JUP: variants seen among roughly 807,000 people sequenced by gnomAD.
JUP encodes catenin (cadherin-associated protein), gamma 80kDa.
A neutral mutation model predicts 71.1 loss-of-function variants in JUP; 28 were observed. That is an observed-to-expected ratio of 0.39 (90% CI 0.29 to 0.54). The LOEUF is 0.54. Ranked by LOEUF, JUP falls within the 20% of genes least tolerant of loss-of-function variation. The pLI is 0.62. For synonymous variants in JUP, 401 were observed against 438.9 expected (o/e 0.91, Z 1.08); for missense variants, 869 against 1,030.1 (o/e 0.84, Z 2.14).
At chr17:41,760,840 C>G (rs1180928348) in intron 8 of JUP, among the ~76,000 whole-genome samples, 18 of 152,142 alleles carry the variant, frequency 1.2e-4, no homozygotes, top group Admixed American at 1.2e-3. Flanking sequence ...GGATTACAGG[C>G]GTGAGCCACT....
At chr17:41,765,322 C>G (rs782663078) in intron 5 of JUP, among the ~76,000 whole-genome samples, 1 of 152,022 alleles carries the variant, frequency 6.6e-6, no homozygotes, top group African/African-American at 2.4e-5. Flanking sequence ...AGATGTGAGC[C>G]ACCACACCCA....
chr17:41,762,182 T>A (rs1206825511), intron 8 of JUP, among the ~76,000 whole-genome samples: 12 of 117,476 alleles, frequency 1.0e-4, no homozygotes, highest in Non-Finnish European at 1.7e-4. Context: ...AGAGAGTGTG[T>A]GTGTGTGTGT....
chr17:41,763,346 G>A, intron 7 of JUP, 25 bp from the exon 8 acceptor site: 3 of 1,580,680 alleles, frequency 1.9e-6, no homozygotes, highest in Non-Finnish European at 1.7e-6. Context: ...AGGGACGGGG[G>A]AGTCAGGGAG....
Position 41,763,138 on chromosome 17 carries a change from T to C in JUP, c.1342A>G (p.Lys448Glu). ...LIHAILRAGD[K>E]DDITEPAVCA... ...ACGGCAGGCTCCGTGATGTCGTCCTTGTCACCAGCACGCAGGATGGCATGG... is the reference window on the plus strand; with the variant it reads ...ACGGCAGGCTCCGTGATGTCGTCCTCGTCACCAGCACGCAGGATGGCATGG... Residue 448 changes from lysine (K) to glutamate (E), a missense_variant, in exon 8 of 14, where the codon AAG becomes GAG. Lys to Glu is a moderately conservative substitution (Grantham distance 56). Transcript: ENST00000393931. 1.2e-6 allele frequency: 2 copies of C among 1,614,218 alleles called. No homozygotes were observed. The highest frequency in any genetic ancestry group is 1.7e-6 in the Non-Finnish European group (2 of 1,180,030).
intron 12 of JUP, among the ~76,000 whole-genome samples, chr17:41,756,602 A>G (rs547419534): frequency 6.6e-6 from 1 of 150,558 alleles, no homozygotes; most frequent in Non-Finnish European, 1.5e-5. Context: ...TCTGTCTCGA[A>G]AAAAATAAAA....
chr17:41,783,788 A>G (rs1001194774), intron 1 of JUP, among the ~76,000 whole-genome samples: 5 of 150,194 alleles, frequency 3.3e-5, no homozygotes, highest in Admixed American at 6.7e-5. Context: ...GGGTGGTGGC[A>G]CACGCCTGTA....
At position 41,771,779 on chromosome 17, in the gene JUP, T is replaced by C; in HGVS notation, c.76A>G (p.Ile26Val). Residue 26 changes from isoleucine to valine, a missense_variant, in exon 2 of 14, where the codon ATC becomes GTC. Physicochemically the swap from Ile to Val is conservative, Grantham distance 29 (BLOSUM62 3). Coordinates refer to ENST00000393931, the MANE Select transcript of JUP (RefSeq NM_002230.4). Reference protein sequence around the residue: ...WQQTYTYDSGIHSGANTCVPS... With the variant: ...WQQTYTYDSGVHSGANTCVPS... ...ACGCAGGTGTTGGCGCCCGAGTGGATACCCGAGTCGTAGGTGTATGTCTGC... is the reference window on the plus strand; with the variant it reads ...ACGCAGGTGTTGGCGCCCGAGTGGACACCCGAGTCGTAGGTGTATGTCTGC... 2 of 1,614,060 alleles carry C rather than the reference T, an allele frequency of 1.2e-6. No individual in the cohort carries two copies. Among genetic ancestry groups the C allele is most frequent in the South Asian group, 2.2e-5 (2 of 91,088 alleles).
chr17:41,768,833 G>A lies in JUP; in HGVS notation c.707+136C>T, dbSNP rs116023576. 4.4e-3 allele frequency: 3,290 copies of A among 741,570 alleles called. 75 individuals carry two copies. The African/African-American group carries it at 0.052, about 12-fold the overall frequency. The allele number at this position is 741,570 out of a possible 1,614,324, so 45.9% of individuals were successfully genotyped here. On this transcript the variant is annotated intron_variant, in intron 4 of 13. Transcript: ENST00000393931. ...GTTCCCTGCTGGGCTGTGAGCCACC[G>A]AGCACCCGGATGGGGTGTGCTTCTG...
chr17:41,760,849 C>T (rs1914696887), intron 8 of JUP, among the ~76,000 whole-genome samples: 1 of 152,204 alleles, frequency 6.6e-6, no homozygotes, highest in African/African-American at 2.4e-5. Flanking sequence ...GCGTGAGCCA[C>T]TGCGCCTGGC....
chr17:41,779,377 G>A (rs1597859643), intron 1 of JUP, among the ~76,000 whole-genome samples: 1 of 141,142 alleles, frequency 7.1e-6, no homozygotes, highest in African/African-American at 2.6e-5. Flanking sequence ...ACCCAGGCTG[G>A]AGTGCAGTGG....
At chr17:41,785,141 C>T (rs529289417) in intron 1 of JUP, 1 of 152,292 alleles carries the variant, frequency 6.6e-6, no homozygotes, top group Admixed American at 6.5e-5. Flanking sequence ...TCTGTGCAGG[C>T]CTCCAGAAAG....
intron 1 of JUP, among the ~76,000 whole-genome samples, chr17:41,783,106 A>G (rs2047253110): frequency 6.6e-6 from 1 of 151,758 alleles, no homozygotes. Flanking sequence ...CAAAAAAAAA[A>G]AAAAAATCCT....
intron 1 of JUP, chr17:41,784,975 G>C (rs1399845803): frequency 6.6e-6 from 1 of 152,008 alleles, no homozygotes; most frequent in African/African-American, 2.4e-5. Flanking sequence ...TTCTGGGTGG[G>C]GGGGGGCGGT....
At chr17:41,781,957 G>T (rs573854290) in intron 1 of JUP, among the ~76,000 whole-genome samples, 2 of 152,302 alleles carry the variant, frequency 1.3e-5, no homozygotes, top group South Asian at 4.1e-4. Context: ...TCAGTGGGAT[G>T]GGGTTCATTC....
chr17:41,783,780 G>A (rs1904524630), intron 1 of JUP, among the ~76,000 whole-genome samples: 1 of 151,744 alleles, frequency 6.6e-6, no homozygotes, highest in African/African-American at 2.4e-5. Context: ...TCAGCCGGGG[G>A]TGGTGGCACA....
Position 41,762,964 on chromosome 17 carries a change from C to T in JUP, c.1497+19G>A. 6.2e-7 allele frequency: 1 copy of T among 1,610,930 alleles called. No individual in the cohort carries two copies. The stretch of plus-strand genomic sequence containing the variant: ...AAGCCTGCTGCAGGGAGCTCCTTCC[C>T]CTCGCCTAACAGCAGTACCTTGACC... On this transcript the variant is annotated intron_variant, in intron 8 of 13. Transcript: ENST00000393931.
chr17:41,764,911 C>T lies in JUP; in HGVS notation c.1054+12G>A, dbSNP rs868943977. On this transcript the variant is annotated intron_variant, in intron 6 of 13. Transcript: ENST00000393931. ...CTCCCACCCCAGCCGCCCTCAAGGCCATCATACTCACCAGCCTCCACAATG... is the reference window on the plus strand; with the variant it reads ...CTCCCACCCCAGCCGCCCTCAAGGCTATCATACTCACCAGCCTCCACAATG... 6.8e-6 allele frequency: 11 copies of T among 1,614,166 alleles called. No individual in the cohort carries two copies. In the Middle Eastern group the frequency reaches 6.6e-4, roughly 97 times the overall value.
chr17:41,772,758 C>A, intron 1 of JUP: 1 of 967,080 alleles, frequency 1.0e-6, no homozygotes, highest in African/African-American at 1.8e-5. Flanking sequence ...GTGGGGCAGG[C>A]CTGTGGGTGG....
At chr17:41,776,543 C>G (rs2046894698) in intron 1 of JUP, among the ~76,000 whole-genome samples, 1 of 152,148 alleles carries the variant, frequency 6.6e-6, no homozygotes, top group East Asian at 1.9e-4. Flanking sequence ...TAGTAAGACC[C>G]TGTCTCTACA....
Sources: allele counts gnomAD v4.1 joint callset (sites outside exome capture counted in the v4.1 genomes callset), GRCh38; gene constraint gnomAD v4.1.1; transcripts MANE v1.5; gene names NCBI Gene and HGNC (gene_info 2026-07-23, HGNC 2026-07-21).